TBCK: variants seen among roughly 807,000 people sequenced by gnomAD.
The protein encoded by TBCK is TBC domain-containing protein kinase-like protein.
A neutral mutation model predicts 113.4 loss-of-function variants in TBCK; 99 were observed. The observed-to-expected ratio is 0.87, with a 90% CI of 0.74 to 1.03. The LOEUF (loss-of-function observed/expected upper bound fraction) is 1.03. Among genes scored for constraint, TBCK ranks in the 50% least tolerant of loss-of-function variants. TBCK has a pLI of 0.00. For missense variants in TBCK, 1,045 were observed against 1,061.3 expected (o/e 0.98, Z 0.21); for synonymous variants, 369 against 370.8 (o/e 1.00, Z 0.05).
chr4:106,247,863 T>C, intron 9 of TBCK: 1 of 160,250 alleles, frequency 6.2e-6, no homozygotes, highest in Non-Finnish European at 1.4e-5. Flanking sequence ...CAACAATTGT[T>C]AGTTTATCAC....
chr4:106,150,729 A>G (rs958620029), intron 23 of TBCK, among the ~76,000 whole-genome samples: 4 of 152,116 alleles, frequency 2.6e-5, no homozygotes, highest in African/African-American at 9.7e-5. Context: ...AAACACAAAG[A>G]TAAGTATGTA....
intron 8 of TBCK, 136 bp from the exon 9 acceptor site, chr4:106,248,442 T>A: frequency 1.7e-6 from 1 of 604,624 alleles, no homozygotes; most frequent in African/African-American, 1.9e-5. Flanking sequence ...TTAGTCACTG[T>A]GAAAAAGCAA....
chr4:106,281,452 T>C (rs1026279565), intron 3 of TBCK, among the ~76,000 whole-genome samples: 2 of 152,140 alleles, frequency 1.3e-5, no homozygotes, highest in Non-Finnish European at 1.5e-5. Context: ...TCTGGTACTA[T>C]GTTGAATAAC....
intron 22 of TBCK, among the ~76,000 whole-genome samples, chr4:106,177,230 T>C (rs1751783408): frequency 6.6e-6 from 1 of 151,984 alleles, no homozygotes; most frequent in Non-Finnish European, 1.5e-5. Flanking sequence ...CTTTATGTAC[T>C]CTGGCTACTA....
chr4:106,113,535 C>A (rs763570201), intron 24 of TBCK, among the ~76,000 whole-genome samples: 13 of 152,156 alleles, frequency 8.5e-5, no homozygotes, highest in Non-Finnish European at 1.9e-4. Context: ...TGCTTGTGTT[C>A]ACACCCCCTC....
chr4:106,235,337 TC>T lies in TBCK; in HGVS notation c.1380del (p.Trp460Ter). On this transcript the variant is annotated frameshift_variant, in exon 15 of 26. Transcript: ENST00000394708. LOFTEE classifies it high-confidence loss of function. ...KAYPYKKNQIWKEARVDIPPL... is the reference protein window; with the variant it reads ...KAYPYKKNQIXKEARVDIPPL... ...GGAGGAATGTCAACTCTTGCTTCTTTCCAGATTTGGTTTTTTTTATATGGAT... is the reference window on the plus strand; with the variant it reads ...GGAGGAATGTCAACTCTTGCTTCTTTCAGATTTGGTTTTTTTTATATGGAT... The T allele has an allele frequency of 6.2e-7, 1 of 1,610,270 alleles. No homozygotes were observed. The highest frequency in any genetic ancestry group is 1.1e-5 in the South Asian group (1 of 90,682).
chr4:106,181,742 A>C (rs1373154361), intron 22 of TBCK, among the ~76,000 whole-genome samples: 1 of 151,916 alleles, frequency 6.6e-6, no homozygotes, highest in East Asian at 1.9e-4. Flanking sequence ...CTGTTTTTGT[A>C]CAGTACCATG....
intron 20 of TBCK, among the ~76,000 whole-genome samples, chr4:106,197,409 GTGTATA>G (rs1465543140): frequency 5.2e-5 from 4 of 77,052 alleles, no homozygotes; most frequent in Non-Finnish European, 1.4e-4. Flanking sequence ...GTGTGTGTGT[GTGTATA>G]TATATATATA....
chr4:106,194,826 TA>T, intron 20 of TBCK, 72 bp from the exon 21 acceptor site: 1 of 1,270,334 alleles, frequency 7.9e-7, no homozygotes, highest in Non-Finnish European at 1.1e-6. Flanking sequence ...TGATTACCAA[TA>T]AACTAAATGG....
At chr4:106,110,905 G>A (rs74516403) in intron 24 of TBCK, among the ~76,000 whole-genome samples, 4,183 of 152,036 alleles carry the variant, frequency 0.028, 186 homozygotes, top group African/African-American at 0.096. Context: ...GCTGTCTTAC[G>A]CAAGCAGCAT....
At chr4:106,302,249 G>A (rs1017727530) in intron 2 of TBCK, among the ~76,000 whole-genome samples, 3 of 152,136 alleles carry the variant, frequency 2.0e-5, no homozygotes, top group Non-Finnish European at 4.4e-5. Context: ...CAGGGAAGCA[G>A]AGTAAACAGC....
At chr4:106,288,514 A>T (rs949378917) in intron 3 of TBCK, among the ~76,000 whole-genome samples, 12 of 152,236 alleles carry the variant, frequency 7.9e-5, no homozygotes, top group Non-Finnish European at 1.6e-4. Context: ...TCTGATCAAG[A>T]TACAAAAATG....
chr4:106,115,253 A>C (rs1003291012), intron 24 of TBCK, among the ~76,000 whole-genome samples: 13 of 152,216 alleles, frequency 8.5e-5, no homozygotes, highest in Middle Eastern at 3.2e-3. Flanking sequence ...CATCAGGATC[A>C]AAGGAAATAC....
intron 5 of TBCK, 67 bp from the exon 6 acceptor site, chr4:106,252,074 T>C (rs1026825149): frequency 6.0e-6 from 8 of 1,331,776 alleles, no homozygotes; most frequent in East Asian, 4.7e-5. Flanking sequence ...ATTTTTACAA[T>C]CAATGTGGTA....
intron 24 of TBCK, among the ~76,000 whole-genome samples, chr4:106,098,228 A>G (rs907503644): frequency 4.6e-5 from 7 of 152,050 alleles, no homozygotes; most frequent in Admixed American, 3.9e-4. Context: ...TTACATAAAC[A>G]CAGATATGGG....
chr4:106,187,354 T>A (rs553928650), intron 22 of TBCK, among the ~76,000 whole-genome samples: 54 of 152,292 alleles, frequency 3.5e-4, no homozygotes, highest in African/African-American at 1.3e-3. Flanking sequence ...ACAACATTGA[T>A]TCTTCTGATC....
At chr4:106,261,381 C>G (rs1333668039) in intron 4 of TBCK, among the ~76,000 whole-genome samples, 1 of 151,966 alleles carries the variant, frequency 6.6e-6, no homozygotes, top group Non-Finnish European at 1.5e-5. Flanking sequence ...CTCCTGGGCT[C>G]AAGCAATGTT....
chr4:106,172,808 A>G (rs952169886), intron 22 of TBCK, among the ~76,000 whole-genome samples: 1 of 152,126 alleles, frequency 6.6e-6, no homozygotes, highest in African/African-American at 2.4e-5. Context: ...CACTTAATCC[A>G]TTTAATTCTT....
At chr4:106,074,017 G>A (rs1043296064) in intron 25 of TBCK, among the ~76,000 whole-genome samples, 1 of 152,182 alleles carries the variant, frequency 6.6e-6, no homozygotes, top group Non-Finnish European at 1.5e-5. Context: ...GGTACGGTCT[G>A]TCATGGCTTC....
Sources: allele counts gnomAD v4.1 joint callset (sites outside exome capture counted in the v4.1 genomes callset), GRCh38; gene constraint gnomAD v4.1.1; transcripts MANE v1.5; gene names NCBI Gene and HGNC (gene_info 2026-07-23, HGNC 2026-07-21).